CRTC1: variants seen among roughly 807,000 people sequenced by gnomAD.
CRTC1 encodes the protein CREB regulated transcription coactivator 1.
Under a neutral mutation model 66.1 loss-of-function variants are expected in CRTC1, and 18 were observed. That is an observed-to-expected ratio of 0.27 (90% CI 0.19 to 0.40). The LOEUF (loss-of-function observed/expected upper bound fraction) is 0.40, where lower values mean the gene tolerates loss of function less well. Ranked by LOEUF, CRTC1 falls within the 10% of genes least tolerant of loss-of-function variation. The pLI, the probability that CRTC1 is intolerant of heterozygous loss-of-function variation, is 1.00. For synonymous variants in CRTC1, 416 were observed against 398.8 expected (o/e 1.04, Z -0.51); for missense variants, 669 against 887.9 (o/e 0.75, Z 3.13).
intron 1 of CRTC1, among the ~76,000 whole-genome samples, chr19:18,706,182 CT>C (rs58104974): frequency 5.3e-5 from 1 of 18,720 alleles, no homozygotes; most frequent in Non-Finnish European, 1.1e-4. Flanking sequence ...TTCCATTGGT[CT>C]TTTTTTTTTT....
chr19:18,759,224 A>T (rs1051520814), intron 6 of CRTC1, among the ~76,000 whole-genome samples: 18 of 152,190 alleles, frequency 1.2e-4, no homozygotes, highest in African/African-American at 4.1e-4. Context: ...ATAAAAATTT[A>T]AAAAGATCCA....
chr19:18,777,556 C>G lies in CRTC1; in HGVS notation c.*174C>G. The G allele has an allele frequency of 1.6e-6, 1 of 613,344 alleles. No individual in the cohort carries two copies. Among genetic ancestry groups the G allele is most frequent in the Non-Finnish European group, 2.8e-6 (1 of 359,840 alleles). The allele number at this position is 613,344 out of a possible 1,614,324, so 38.0% of individuals were successfully genotyped here. The stretch of plus-strand genomic sequence containing the variant: ...GTCCACCTCCCGCGAAGCCCAATCG[C>G]GAGGCCGCGAGCCGGGCCGTCCACC... On this transcript the variant is annotated 3_prime_UTR_variant, in exon 14 of 14. Transcript: ENST00000321949. This position sits in a 1 kb window ranked among gnomAD's most constrained non-coding sequence, Gnocchi z 5.5.
intron 1 of CRTC1, among the ~76,000 whole-genome samples, chr19:18,729,163 C>T (rs3019736): frequency 2.7e-5 from 4 of 146,832 alleles, no homozygotes; most frequent in East Asian, 2.2e-4. Flanking sequence ...CGGTGGCTCA[C>T]GCCTGTAATC....
chr19:18,692,739 G>C (rs955879813), intron 1 of CRTC1, among the ~76,000 whole-genome samples: 1 of 152,138 alleles, frequency 6.6e-6, no homozygotes, highest in Admixed American at 6.6e-5. Context: ...AGATGTCCCT[G>C]GCTCAGGAAC....
Position 18,778,327 on chromosome 19 carries a change from G to A in CRTC1, c.*945G>A, listed in dbSNP as rs1392719842. 4.4e-6 allele frequency: 1 copy of A among 228,496 alleles called. No homozygotes were observed. Among genetic ancestry groups the A allele is most frequent in the Admixed American group, 5.7e-5 (1 of 17,630 alleles). The allele number at this position is 228,496 out of a possible 1,614,324, so 14.2% of individuals were successfully genotyped here. On this transcript the variant is annotated 3_prime_UTR_variant, in exon 14 of 14. Transcript: ENST00000321949. ...TTTAGTTTCTAGTTACATTTTGGTT[G>A]TAGATGACTCGCTTAATCTTTTAAG...
At chr19:18,755,236 G>A (rs1009708791) in intron 6 of CRTC1, among the ~76,000 whole-genome samples, 5 of 152,004 alleles carry the variant, frequency 3.3e-5, no homozygotes, top group Non-Finnish European at 7.4e-5. Flanking sequence ...TGATCTGCCC[G>A]CCTTGGCCTC....
intron 5 of CRTC1, among the ~76,000 whole-genome samples, chr19:18,752,871 C>T (rs543426787): frequency 2.2e-4 from 33 of 152,004 alleles, no homozygotes; most frequent in South Asian, 1.0e-3. Flanking sequence ...CTCCTAACCT[C>T]GGGCGATCTG....
rs184469149 is a variant in CRTC1 at position 18,780,748 on chromosome 19, C to T, written c.*3366C>T. 184 of 216,836 alleles carry T rather than the reference C, an allele frequency of 8.5e-4. No individual in the cohort carries two copies. The highest frequency in any genetic ancestry group is 4.2e-3 in the Middle Eastern group (3 of 718). 13.4% of individuals were successfully genotyped at this position (216,836 alleles called of 1,614,324 possible). A position where few individuals can be genotyped will look rare whatever the true frequency, so the allele number is the denominator to read the frequency against. On this transcript the variant is annotated 3_prime_UTR_variant, in exon 14 of 14. Transcript: ENST00000321949. ...CTTGCTGTGTTGCCCAGGCTGGTCT[C>T]GGACTCCTGGGCTCAAGCAGTCCTC...
intron 1 of CRTC1, among the ~76,000 whole-genome samples, chr19:18,711,479 A>G (rs958750163): frequency 2.6e-5 from 4 of 152,102 alleles, no homozygotes; most frequent in Non-Finnish European, 5.9e-5. Flanking sequence ...AGCAATTCTG[A>G]TGTTTAAGTT....
intron 1 of CRTC1, among the ~76,000 whole-genome samples, chr19:18,688,663 C>A (rs960332480): frequency 5.3e-5 from 8 of 152,070 alleles, no homozygotes; most frequent in Non-Finnish European, 7.3e-5. Context: ...GTCTTGAACT[C>A]CCGACCTCAG....
chr19:18,708,717 G>A (rs1220697080), intron 1 of CRTC1, among the ~76,000 whole-genome samples: 2 of 152,214 alleles, frequency 1.3e-5, no homozygotes, highest in African/African-American at 4.8e-5. Flanking sequence ...ACCGAGGTCA[G>A]GGCTCCTGTG....
chr19:18,740,443 T>C (rs2054087067), intron 1 of CRTC1, among the ~76,000 whole-genome samples: 2 of 152,172 alleles, frequency 1.3e-5, no homozygotes, highest in South Asian at 4.1e-4. Flanking sequence ...TAGACGTGGC[T>C]GACCACCCTC....
chr19:18,712,419 A>C (rs1439234301), intron 1 of CRTC1, among the ~76,000 whole-genome samples: 1 of 151,360 alleles, frequency 6.6e-6, no homozygotes, highest in Non-Finnish European at 1.5e-5. Flanking sequence ...CACCACACCC[A>C]GCTAATTTTT....
At chr19:18,746,925 T>A in intron 3 of CRTC1, 128 bp from the exon 4 acceptor site, 1 of 768,944 alleles carries the variant, frequency 1.3e-6, no homozygotes, top group Non-Finnish European at 2.2e-6. Context: ...CCCGCCCTAC[T>A]GGTCCCAGCT....
chr19:18,702,655 C>A (rs2053172471), intron 1 of CRTC1, among the ~76,000 whole-genome samples: 1 of 151,864 alleles, frequency 6.6e-6, no homozygotes, highest in Non-Finnish European at 1.5e-5. Context: ...TGCCCTCAGC[C>A]TCCCGAGTAG....
intron 4 of CRTC1, among the ~76,000 whole-genome samples, chr19:18,748,675 G>A (rs1257996786): frequency 6.7e-6 from 1 of 149,450 alleles, no homozygotes; most frequent in South Asian, 2.1e-4. Flanking sequence ...ACACCAGCCT[G>A]GGGGGCAGAG....
chr19:18,779,780 C>T lies in CRTC1; in HGVS notation c.*2398C>T, dbSNP rs2055067435. The T allele has an allele frequency of 1.3e-5, 3 of 223,450 alleles. No individual in the cohort carries two copies. Among genetic ancestry groups the T allele is most frequent in the Admixed American group, 5.7e-5 (1 of 17,438 alleles). The allele number at this position is 223,450 out of a possible 1,614,324, so 13.8% of individuals were successfully genotyped here. Reference sequence around the variant, plus strand: ...TCACAGTGACATTGTGTTAACGTGACGACCTTGGTCCATTATGGAGTTCTT... The same window carrying T: ...TCACAGTGACATTGTGTTAACGTGATGACCTTGGTCCATTATGGAGTTCTT... On this transcript the variant is annotated 3_prime_UTR_variant, in exon 14 of 14. Transcript: ENST00000321949.
Position 18,759,612 on chromosome 19 carries a change from C to G in CRTC1, c.665+21C>G. ...ATCAAGTAAGTCTCCACAGGGCCCA[C>G]CCCGCACACTGCATCTGCTGCGCTG... On this transcript the variant is annotated intron_variant, in intron 7 of 13. Coordinates refer to ENST00000321949, the MANE Select transcript of CRTC1 (RefSeq NM_015321.3). The G allele has an allele frequency of 1.2e-6, 2 of 1,612,014 alleles. 1 individual carries two copies. The highest frequency in any genetic ancestry group is 3.3e-5 in the Admixed American group (2 of 59,878).
intron 1 of CRTC1, among the ~76,000 whole-genome samples, chr19:18,702,945 G>A (rs909742850): frequency 6.6e-6 from 1 of 151,952 alleles, no homozygotes; most frequent in African/African-American, 2.4e-5. Flanking sequence ...ACCTCCAGTT[G>A]TCACAGTTCT....
Sources: gnomAD v4.1 joint callset for allele counts (sites outside exome capture counted in the v4.1 genomes callset) on GRCh38, gnomAD v4.1.1 for gene constraint, Gnocchi (gnomAD v3.1) non-coding constraint, MANE v1.5 for transcripts, NCBI Gene and HGNC (gene_info 2026-07-23, HGNC 2026-07-21) for gene names.